The following PDPR variants were observed in gnomAD, a reference collection of about 807,000 sequenced individuals.
PDPR encodes pyruvate dehydrogenase phosphatase regulatory subunit, mitochondrial.
PDPR carries 50 observed loss-of-function variants against 102.2 expected under a neutral mutation model. The ratio of observed to expected loss-of-function variants is 0.49; its 90% CI spans 0.39 to 0.62. The LOEUF is 0.62. PDPR is among the 20% of genes least tolerant of loss of function. PDPR has a pLI of 0.00. For missense variants in PDPR, 625 were observed against 1,098.2 expected (o/e 0.57, Z 6.09); for synonymous variants, 259 against 406.0 (o/e 0.64, Z 4.35).
chr16:70,124,054 C>CAA (rs11428362), intron 3 of PDPR, among the ~76,000 whole-genome samples: 6,368 of 143,242 alleles, frequency 0.044, 170 homozygotes, highest in African/African-American at 0.15. Flanking sequence ...GACTCAGTCT[C>CAA]AAAAAAAAAA....
intron 15 of PDPR, among the ~76,000 whole-genome samples, chr16:70,145,336 C>T (rs1419074125): frequency 2.0e-5 from 3 of 152,234 alleles, no homozygotes; most frequent in Admixed American, 6.5e-5. Context: ...TGGGGTTTCA[C>T]CATGTTGGCC....
intron 1 of PDPR, among the ~76,000 whole-genome samples, 168 bp downstream of exon 1, chr16:70,114,608 C>A (rs1179714317): frequency 6.6e-6 from 1 of 152,220 alleles, no homozygotes; most frequent in Non-Finnish European, 1.5e-5. Flanking sequence ...CGCGTCCGGG[C>A]GCCAGTACTC....
chr16:70,114,552 C>G (rs1043500288), intron 1 of PDPR, 112 bp downstream of exon 1: 7 of 152,254 alleles, frequency 4.6e-5, no homozygotes, highest in Non-Finnish European at 7.3e-5. Context: ...GGGTGGTCCC[C>G]GCTAGCTCAC....
In PDPR at chr16:70,156,617, G is replaced by T. The variant is rs372846240; in HGVS notation, c.2378G>T (p.Gly793Val). 1 of 1,614,096 alleles carries T rather than the reference G, an allele frequency of 6.2e-7. No homozygotes were observed. Among genetic ancestry groups the T allele is most frequent in the Non-Finnish European group, 8.5e-7 (1 of 1,179,908 alleles). ...TGGGGAGAGCCCATTTACCGGAATG[G>T]GCAGTATGTTGGCAAGACCACCAGC... is the stretch of plus-strand genomic sequence containing the variant. The part of the protein sequence containing the change: ...PWWGEPIYRN[G>V]QYVGKTTSSA... The change falls in exon 19 of 19, where the codon GGG becomes GTG. Residue 793 changes from glycine (G) to valine (V), a missense_variant. Gly to Val is a moderately radical substitution (Grantham distance 109). This residue lies in a region of PDPR where 303 missense variants were observed against 258.9 expected (regional missense o/e 1.17). Transcript: ENST00000288050.
rs566557888 is a variant in PDPR, at chr16:70,120,441, T to G, written c.-32-20T>G. 16 of 1,313,706 alleles carry G rather than the reference T, an allele frequency of 1.2e-5. No homozygotes were observed. The highest frequency in any genetic ancestry group is 1.7e-5 in the Non-Finnish European group (16 of 915,908). 81.4% of individuals were successfully genotyped at this position (1,313,706 alleles called of 1,614,324 possible). Reference sequence around the variant, plus strand: ...GCACTGAGTAGAATGGCATGAAATATGTTTGGTTTCTCTGTCTAGTTTGAG... The same window carrying G: ...GCACTGAGTAGAATGGCATGAAATAGGTTTGGTTTCTCTGTCTAGTTTGAG... On this transcript the variant is annotated intron_variant, in intron 2 of 18. Coordinates refer to ENST00000288050, the MANE Select transcript of PDPR (RefSeq NM_017990.5).
intron 2 of PDPR, among the ~76,000 whole-genome samples, chr16:70,117,617 A>G (rs917201954): frequency 2.6e-5 from 4 of 152,202 alleles, no homozygotes; most frequent in Admixed American, 2.6e-4. Flanking sequence ...AACAGCATGC[A>G]CAGAACCTGG....
At chr16:70,149,431 A>T (rs546964611) in intron 17 of PDPR, among the ~76,000 whole-genome samples, 2 of 152,120 alleles carry the variant, frequency 1.3e-5, no homozygotes, top group African/African-American at 4.8e-5. Context: ...ACGCCTGGCT[A>T]ATTTTTGTAT....
intron 3 of PDPR, among the ~76,000 whole-genome samples, chr16:70,126,588 C>T (rs1454813610): frequency 1.3e-5 from 2 of 152,272 alleles, no homozygotes; most frequent in African/African-American, 2.4e-5. Context: ...TGGTTTCGAT[C>T]TCCTGACCTT....
At chr16:70,151,716 CT>C (rs1966753486) in intron 17 of PDPR, among the ~76,000 whole-genome samples, 1 of 152,264 alleles carries the variant, frequency 6.6e-6, no homozygotes, top group Non-Finnish European at 1.5e-5. Context: ...TGTTCCCATT[CT>C]TATGATTTTT....
chr16:70,121,015 C>T (rs2152061732), intron 3 of PDPR, among the ~76,000 whole-genome samples: 1 of 133,688 alleles, frequency 7.5e-6, no homozygotes, highest in East Asian at 2.3e-4. Context: ...AGCTTGAATT[C>T]CTGGCCTCAA....
chr16:70,156,991 T>A lies in PDPR; in HGVS notation c.*112T>A, dbSNP rs1967289744. The A allele has an allele frequency of 7.1e-7, 1 of 1,413,434 alleles. No individual in the cohort carries two copies. The highest frequency in any genetic ancestry group is 1.4e-5 in the African/African-American group (1 of 69,592). The allele number at this position is 1,413,434 out of a possible 1,614,324, so 87.6% of individuals were successfully genotyped here. ...CCTCTTCTGGAGCCTTTGCCTCCCA[T>A]CTCTTATCTCCTTGATATAATTTTG... On this transcript the variant is annotated 3_prime_UTR_variant, in exon 19 of 19. Transcript: ENST00000288050.
chr16:70,133,421 C>CTTTT (rs1162339028), intron 9 of PDPR, among the ~76,000 whole-genome samples: 6 of 103,730 alleles, frequency 5.8e-5, no homozygotes, highest in Non-Finnish European at 1.1e-4. Flanking sequence ...TGCGTCTGGC[C>CTTTT]TTTTTTTTTT....
At chr16:70,149,269 A>G (rs772332052) in intron 17 of PDPR, among the ~76,000 whole-genome samples, 528 of 149,782 alleles carry the variant, frequency 3.5e-3, no homozygotes, top group Non-Finnish European at 5.2e-3. Flanking sequence ...TCACTTCACA[A>G]TTTTTTTTTT....
At chr16:70,140,356 T>TA (rs1965584004) in intron 11 of PDPR, among the ~76,000 whole-genome samples, 1 of 152,258 alleles carries the variant, frequency 6.6e-6, no homozygotes, top group African/African-American at 2.4e-5. Context: ...AAAAATAAAA[T>TA]ACAAAATCAA....
At chr16:70,115,779 T>C (rs1962576930) in intron 2 of PDPR, among the ~76,000 whole-genome samples, 1 of 152,070 alleles carries the variant, frequency 6.6e-6, no homozygotes, top group East Asian at 1.9e-4. Context: ...CAGAGAATAT[T>C]ATACGGTCAT....
intron 9 of PDPR, among the ~76,000 whole-genome samples, chr16:70,135,693 C>T (rs1277763638): frequency 6.6e-6 from 1 of 152,272 alleles, no homozygotes; most frequent in East Asian, 1.9e-4. Flanking sequence ...AGTCTTTATA[C>T]CAAGTATTTT....
intron 17 of PDPR, among the ~76,000 whole-genome samples, chr16:70,148,840 ATTAC>A (rs1472517210): frequency 3.9e-5 from 6 of 152,234 alleles, no homozygotes; most frequent in Non-Finnish European, 5.9e-5. Flanking sequence ...TAATATTAGT[ATTAC>A]TTTTATATGT....
rs1322199428 is a variant in PDPR at position 70,120,652 on chromosome 16, G to A, written c.160G>A (p.Gly54Ser). The A allele has an allele frequency of 6.2e-7, 1 of 1,613,774 alleles. No homozygotes were observed. Among genetic ancestry groups the A allele is most frequent in the East Asian group, 2.2e-5 (1 of 44,878 alleles). ...GGTCATCTGTGGAGGTGGAATCACGGGCACTTCTGTGGCCTATCACCTCTC... is the reference window on the plus strand; with the variant it reads ...GGTCATCTGTGGAGGTGGAATCACGAGCACTTCTGTGGCCTATCACCTCTC... ...QVVICGGGIT[G>S]TSVAYHLSKM... The change falls in exon 3 of 19, where the codon GGC (glycine) becomes AGC (serine). Residue 54 changes from glycine to serine, a missense_variant. By Grantham distance (56) the Gly-to-Ser change is moderately conservative (BLOSUM62 0). Coordinates refer to ENST00000288050, the MANE Select transcript of PDPR (RefSeq NM_017990.5).
At chr16:70,119,019 A>G (rs556926939) in intron 2 of PDPR, among the ~76,000 whole-genome samples, 30 of 152,050 alleles carry the variant, frequency 2.0e-4, no homozygotes, top group South Asian at 1.5e-3. Flanking sequence ...GCAGTGAGCT[A>G]CCCTAAGGCC....
Sources: allele counts gnomAD v4.1 joint callset (sites outside exome capture counted in the v4.1 genomes callset), GRCh38; gene constraint gnomAD v4.1.1; regional missense constraint gnomAD v4.1.1; transcripts MANE v1.5; gene names NCBI Gene and HGNC (gene_info 2026-07-23, HGNC 2026-07-21).